The following MGAM2 variants were observed in gnomAD, a reference collection of about 807,000 sequenced individuals.
MGAM2 encodes the protein probable maltase-glucoamylase 2.
In MGAM2, 98 loss-of-function variants were observed where a neutral mutation model predicts 96.1. The ratio of observed to expected loss-of-function variants is 1.02; its 90% CI spans 0.87 to 1.21. The LOEUF (loss-of-function observed/expected upper bound fraction) is 1.21, where lower values mean the gene tolerates loss of function less well. Among genes scored for constraint, MGAM2 ranks in the 50% most tolerant of loss-of-function variants. The pLI is 0.00. For missense variants in MGAM2, 2,055 were observed against 1,182.4 expected, an observed-to-expected ratio of 1.74 and a Z score of -10.82; for synonymous variants, 749 against 414.8, an observed-to-expected ratio of 1.81 and a Z score of -9.79.
At chr7:142,182,053 G>A (rs543146086) in intron 32 of MGAM2, among the ~76,000 whole-genome samples, 1 of 152,252 alleles carries the variant, frequency 6.6e-6, no homozygotes. Flanking sequence ...GACCAGTCTG[G>A]CAGAGGGAGG....
At chr7:142,158,171 G>A in intron 18 of MGAM2, 77 bp from the exon 19 acceptor site, 1 of 700,442 alleles carries the variant, frequency 1.4e-6, no homozygotes, top group Non-Finnish European at 2.6e-6. Context: ...GGTTAGTTAG[G>A]ATCTTGTTGT....
intron 7 of MGAM2, among the ~76,000 whole-genome samples, chr7:142,136,180 C>T (rs1188634486): frequency 6.6e-6 from 1 of 152,120 alleles, no homozygotes; most frequent in African/African-American, 2.4e-5. Context: ...CAATTACTAA[C>T]CTACTTTCTG....
rs1354346479 is a variant in MGAM2 at position 142,162,117 on chromosome 7, G to C, written c.2484+113G>C. ...TGTGCAGCAGAGACAGGGTTTTACT[G>C]TCATGATTCCAAAAAGGAATCAAAT... On this transcript the variant is annotated intron_variant, in intron 23 of 47. Coordinates refer to ENST00000477922, the MANE Select transcript of MGAM2 (RefSeq NM_001293626.2). 37 of 493,202 alleles carry C rather than the reference G, an allele frequency of 7.5e-5. No individual in the cohort carries two copies. The South Asian group carries it at 1.3e-3, about 17-fold the overall frequency. 30.6% of individuals were successfully genotyped at this position (493,202 alleles called of 1,614,324 possible). A position where few individuals can be genotyped will look rare whatever the true frequency, so the allele number is the denominator to read the frequency against.
At chr7:142,196,434 T>C in intron 38 of MGAM2, 131 bp from the exon 39 acceptor site, 1 of 660,212 alleles carries the variant, frequency 1.5e-6, no homozygotes, top group Non-Finnish European at 2.7e-6. Context: ...TGGATTTTAA[T>C]TTACACCCAT....
Position 142,220,858 on chromosome 7 carries a change from C to G in MGAM2, c.6347C>G (p.Thr2116Ser), listed in dbSNP as rs910456738. The change falls in exon 48 of 48, where the codon ACT becomes AGT. Residue 2116 changes from threonine to serine, a missense_variant. Transcript: ENST00000477922. ...LTSTADATIS[T>S]TVLIATTSSL... ...AGTACTGCTGATGCCACCATTAGTA[C>G]TACTGTACTTATTGCCACTACTTCT... 19 of 702,126 alleles carry G rather than the reference C, an allele frequency of 2.7e-5. No individual in the cohort carries two copies. Among genetic ancestry groups the G allele is most frequent in the Non-Finnish European group, 4.7e-5 (18 of 384,760 alleles). The allele number at this position is 702,126 out of a possible 1,614,324, so 43.5% of individuals were successfully genotyped here.
chr7:142,187,005 A>G (rs532403686), intron 35 of MGAM2, among the ~76,000 whole-genome samples: 1 of 152,198 alleles, frequency 6.6e-6, no homozygotes, highest in South Asian at 2.1e-4. Context: ...TGGGTAATTC[A>G]AAGTAATGAA....
chr7:142,210,597 C>T (rs1403043949), intron 46 of MGAM2, among the ~76,000 whole-genome samples: 23 of 152,192 alleles, frequency 1.5e-4, no homozygotes, highest in Non-Finnish European at 8.8e-5. Context: ...GCAGAGCCCA[C>T]CACAGCTCCA....
At chr7:142,118,899 G>A (rs951132361) in intron 2 of MGAM2, among the ~76,000 whole-genome samples, 4 of 152,130 alleles carry the variant, frequency 2.6e-5, no homozygotes, top group African/African-American at 9.7e-5. Context: ...CTAGGAACAT[G>A]TAAATAAAAA....
chr7:142,158,051 C>G lies in MGAM2; in HGVS notation c.2038C>G (p.His680Asp). Residue 680 changes from histidine (H) to aspartate (D), a missense_variant, in exon 18 of 48, where the codon CAC (histidine) becomes GAC (aspartate). By Grantham distance (81) the His-to-Asp change is moderately conservative. Coordinates refer to ENST00000477922, the MANE Select transcript of MGAM2 (RefSeq NM_001293626.2). The part of the protein sequence containing the change: ...PYLYTLFYHA[H>D]TRGETVARPL... ...TCTCTATACCCTTTTCTACCATGCT[C>G]ACACCCGGGGAGAGACGGTAGCAAG... 1 of 702,982 alleles carries G rather than the reference C, an allele frequency of 1.4e-6. No homozygotes were observed. 43.5% of individuals were successfully genotyped at this position (702,982 alleles called of 1,614,324 possible).
chr7:142,189,214 AACATTG>A (rs1466188262), intron 36 of MGAM2, among the ~76,000 whole-genome samples, 147 bp from the exon 37 acceptor site: 1 of 152,222 alleles, frequency 6.6e-6, no homozygotes, highest in Non-Finnish European at 1.5e-5. Context: ...AAAGACACAG[AACATTG>A]TTTTCTATAG....
At position 142,141,894 on chromosome 7, in the gene MGAM2, T is replaced by C. The variant is rs576847330; in HGVS notation, c.1317+775T>C. On this transcript the variant is annotated intron_variant, in intron 12 of 47. Coordinates refer to ENST00000477922, the MANE Select transcript of MGAM2 (RefSeq NM_001293626.2). ...GTGGAATAGGCTGAGCTGGGGCCTA[T>C]ATTCAGGATAATTAAATTTCTGAGA... 1.0e-3 allele frequency among the ~76,000 whole-genome samples: 152 copies of C among 152,332 alleles called. No homozygotes were observed. In the South Asian group the frequency reaches 0.017, roughly 17 times the overall value.
intron 46 of MGAM2, among the ~76,000 whole-genome samples, chr7:142,214,496 C>T (rs1229908414): frequency 6.6e-6 from 1 of 152,090 alleles, no homozygotes; most frequent in African/African-American, 2.4e-5. Context: ...AAATCACAAG[C>T]ATTTCGATAC....
intron 2 of MGAM2, among the ~76,000 whole-genome samples, chr7:142,118,455 C>T (rs531351923): frequency 1.3e-4 from 20 of 152,158 alleles, no homozygotes; most frequent in East Asian, 3.9e-4. Flanking sequence ...TGAATCAAAA[C>T]GAAAGCACTA....
At chr7:142,177,999 G>A (rs1322808395) in intron 32 of MGAM2, among the ~76,000 whole-genome samples, 2 of 152,244 alleles carry the variant, frequency 1.3e-5, no homozygotes, top group East Asian at 3.9e-4. Context: ...GTGTGTAAGT[G>A]TTCTCTTTTC....
In MGAM2 at chr7:142,170,335, G is replaced by A. The variant is rs575497424; in HGVS notation, c.3182+106G>A. 209 of 519,908 alleles carry A rather than the reference G, an allele frequency of 4.0e-4. 3 individuals carry two copies. The Middle Eastern group carries it at 5.9e-3, about 15-fold the overall frequency. The allele number at this position is 519,908 out of a possible 1,614,324, so 32.2% of individuals were successfully genotyped here. The stretch of plus-strand genomic sequence containing the variant: ...AATCTCAGAGACTCTATGGAAATAG[G>A]TGTGCATTTGTTAGAGTATATCTAT... On this transcript the variant is annotated intron_variant, in intron 27 of 47. Transcript: ENST00000477922.
rs1157730904 is a variant in MGAM2, at chr7:142,214,975, C to T, written c.5188-3386C>T. ...GGTATATACCCAAAGGGTTATAAAT[C>T]ATTCTGCTATAAAGAAACAGGCACA... On this transcript the variant is annotated intron_variant, in intron 46 of 47. Coordinates refer to ENST00000477922, the MANE Select transcript of MGAM2 (RefSeq NM_001293626.2). Among the ~76,000 whole-genome samples, 3 of 152,314 alleles carry T rather than the reference C, an allele frequency of 2.0e-5. No homozygotes were observed. In the East Asian group the frequency reaches 5.8e-4, roughly 29 times the overall value.
At chr7:142,203,947 G>T (rs1286572186) in intron 45 of MGAM2, among the ~76,000 whole-genome samples, 1 of 152,016 alleles carries the variant, frequency 6.6e-6, no homozygotes, top group Non-Finnish European at 1.5e-5. Context: ...TAGCTCTTTT[G>T]TATTTCACAC....
In MGAM2 at chr7:142,114,204, AAGAAAGAAAGAG is replaced by A. The variant is rs1462301528; in HGVS notation, c.-1+2409_-1+2420del. 7.2e-3 allele frequency among the ~76,000 whole-genome samples: 1,011 copies of A among 140,400 alleles called. 53 individuals carry two copies. Among genetic ancestry groups the A allele is most frequent in the Non-Finnish European group, 8.3e-3 (548 of 65,856 alleles). The allele number at this position is 140,400 out of a possible 152,430, so 92.1% of individuals were successfully genotyped here. ...AAAGAAAGAAAGAAAGAAAGAAAGAAAGAAAGAAAGAGAGAAAGAAAGAAAGAAATAGGAGAC... is the reference window on the plus strand; with the variant it reads ...AAAGAAAGAAAGAAAGAAAGAAAGAAAGAAAGAAAGAAAGAAATAGGAGAC... On this transcript the variant is annotated intron_variant, in intron 1 of 47. Coordinates refer to ENST00000477922, the MANE Select transcript of MGAM2 (RefSeq NM_001293626.2).
chr7:142,220,366 C>G lies in MGAM2; in HGVS notation c.5855C>G (p.Thr1952Arg), dbSNP rs773842809. 1.1e-5 allele frequency: 8 copies of G among 702,496 alleles called. No individual in the cohort carries two copies. The highest frequency in any genetic ancestry group is 2.1e-5 in the Non-Finnish European group (8 of 384,904). The allele number at this position is 702,496 out of a possible 1,614,324, so 43.5% of individuals were successfully genotyped here. A position where few individuals can be genotyped will look rare whatever the true frequency, so the allele number is the denominator to read the frequency against. Reference sequence around the variant, plus strand: ...TTTGCAACAAGTACTATTGGTGTTACAACTAATGCTACTGTTCCCGATACA... The same window carrying G: ...TTTGCAACAAGTACTATTGGTGTTAGAACTAATGCTACTGTTCCCGATACA... ...TCFATSTIGV[T>R]TNATVPDTTA... The change falls in exon 48 of 48, where the codon ACA becomes AGA. Residue 1952 changes from threonine to arginine, a missense_variant. Transcript: ENST00000477922.
Sources: allele counts gnomAD v4.1 joint callset (sites outside exome capture counted in the v4.1 genomes callset), GRCh38; gene constraint gnomAD v4.1.1; transcripts MANE v1.5; gene names NCBI Gene and HGNC (gene_info 2026-07-23, HGNC 2026-07-21).